ARHGEF28: variants seen among roughly 807,000 people sequenced by gnomAD.
The protein encoded by ARHGEF28 is Rho guanine nucleotide exchange factor 28, also known as 190 kDa guanine nucleotide exchange factor.
Under a neutral mutation model 206.6 loss-of-function variants are expected in ARHGEF28, and 152 were observed. That is an observed-to-expected ratio of 0.74 (90% CI 0.64 to 0.84). The LOEUF (loss-of-function observed/expected upper bound fraction) is 0.84, where lower values mean the gene tolerates loss of function less well. Among genes scored for constraint, ARHGEF28 ranks in the 40% least tolerant of loss-of-function variants. ARHGEF28 has a pLI of 0.00. For synonymous variants in ARHGEF28, 763 were observed against 776.4 expected, an observed-to-expected ratio of 0.98 and a Z score of 0.29; for missense variants, 2,028 against 2,073.2, an observed-to-expected ratio of 0.98 and a Z score of 0.42.
intron 2 of ARHGEF28, among the ~76,000 whole-genome samples, chr5:73,692,325 A>G (rs16870694): frequency 0.29 from 44,419 of 151,944 alleles, 6,840 homozygotes; most frequent in African/African-American, 0.37. Context: ...GGTGCTGTGC[A>G]GACATGTTAA....
intron 16 of ARHGEF28, among the ~76,000 whole-genome samples, chr5:73,861,832 G>GA (rs1759422109): frequency 1.3e-5 from 2 of 150,912 alleles, no homozygotes; most frequent in Non-Finnish European, 2.9e-5. Context: ...ACTTTTTTTA[G>GA]AAGTAATTTC....
At chr5:73,759,187 A>T (rs1227888225) in intron 4 of ARHGEF28, among the ~76,000 whole-genome samples, 1 of 152,192 alleles carries the variant, frequency 6.6e-6, no homozygotes, top group East Asian at 1.9e-4. Context: ...AAGTCAGATT[A>T]AGAGTACACT....
At chr5:73,919,212 G>C (rs425911) in intron 35 of ARHGEF28, among the ~76,000 whole-genome samples, 1 of 152,140 alleles carries the variant, frequency 6.6e-6, no homozygotes, top group Non-Finnish European at 1.5e-5. Flanking sequence ...TGCCAACAAA[G>C]TGAAAGTGTT....
chr5:73,820,862 C>A (rs1315259812), intron 9 of ARHGEF28, among the ~76,000 whole-genome samples: 3 of 152,114 alleles, frequency 2.0e-5, no homozygotes, highest in Non-Finnish European at 2.9e-5. Flanking sequence ...GCTGCTTGAC[C>A]TTTTTCTTCC....
rs778931754 is a variant in ARHGEF28, at chr5:73,776,614, T to C, written c.758T>C (p.Leu253Pro). 1 of 1,613,954 alleles carries C rather than the reference T, an allele frequency of 6.2e-7. No individual in the cohort carries two copies. Among genetic ancestry groups the C allele is most frequent in the East Asian group, 2.2e-5 (1 of 44,886 alleles). The change falls in exon 6 of 36, where the codon CTG becomes CCG. Residue 253 changes from leucine (L) to proline (P), a missense_variant. Physicochemically the swap from Leu to Pro is moderately conservative, Grantham distance 98 (BLOSUM62 -3). Coordinates refer to ENST00000513042, the MANE Select transcript of ARHGEF28 (RefSeq NM_001177693.2). The stretch of plus-strand genomic sequence containing the variant: ...TCATCGGAAACGCTGACCCTGACCC[T>C]GAACCACACAGCCGAGCATTTGTTG... Reference protein sequence around the residue: ...IHSSETLTLTLNHTAEHLLEA... With the variant: ...IHSSETLTLTPNHTAEHLLEA...
Position 73,873,263 on chromosome 5 carries a change from G to T in ARHGEF28, c.2814+17G>T. 1 of 1,593,702 alleles carries T rather than the reference G, an allele frequency of 6.3e-7. No homozygotes were observed. The highest frequency in any genetic ancestry group is 8.6e-7 in the Non-Finnish European group (1 of 1,165,856). Reference sequence around the variant, plus strand: ...GTACAACAGGTAAGAAGAGCTTAAAGTCCTTGACCTTTATGACGTAAGTGG... The same window carrying T: ...GTACAACAGGTAAGAAGAGCTTAAATTCCTTGACCTTTATGACGTAAGTGG... On this transcript the variant is annotated intron_variant, in intron 22 of 35. Transcript: ENST00000513042.
At chr5:73,815,919 T>C (rs1464550301) in intron 9 of ARHGEF28, among the ~76,000 whole-genome samples, 1 of 152,204 alleles carries the variant, frequency 6.6e-6, no homozygotes, top group Admixed American at 6.5e-5. Context: ...TGTTAGACCA[T>C]GTTTCACACT....
chr5:73,756,793 T>C (rs191856212), intron 4 of ARHGEF28, among the ~76,000 whole-genome samples: 29 of 152,340 alleles, frequency 1.9e-4, no homozygotes, highest in Admixed American at 1.9e-3. Flanking sequence ...TCAGTTTTAA[T>C]TTTGTACTTT....
At chr5:73,823,856 GA>G (rs1463530046) in intron 9 of ARHGEF28, among the ~76,000 whole-genome samples, 2 of 152,216 alleles carry the variant, frequency 1.3e-5, no homozygotes, top group Non-Finnish European at 2.9e-5. Context: ...GTGCCCTTGG[GA>G]AGTTACTTAA....
chr5:73,828,905 C>T (rs1364781591), intron 9 of ARHGEF28, among the ~76,000 whole-genome samples: 2 of 152,134 alleles, frequency 1.3e-5, no homozygotes, highest in Admixed American at 1.3e-4. Context: ...ACTGCAGCCT[C>T]CACCTCCCAG....
intron 1 of ARHGEF28, among the ~76,000 whole-genome samples, chr5:73,632,470 G>C (rs567125768): frequency 6.6e-6 from 1 of 152,270 alleles, no homozygotes; most frequent in East Asian, 1.9e-4. Context: ...CAGTGATGAG[G>C]ACCTCATGAC....
chr5:73,732,397 G>T (rs1461872968), intron 2 of ARHGEF28, among the ~76,000 whole-genome samples: 1 of 150,934 alleles, frequency 6.6e-6, no homozygotes, highest in Non-Finnish European at 1.5e-5. Context: ...TTCATGACTT[G>T]ATAGCTCATT....
intron 4 of ARHGEF28, among the ~76,000 whole-genome samples, chr5:73,755,390 A>C (rs1018553945): frequency 6.6e-6 from 1 of 152,080 alleles, no homozygotes; most frequent in Non-Finnish European, 1.5e-5. Flanking sequence ...AGAGCATCAC[A>C]GCCTCACGCA....
intron 10 of ARHGEF28, 124 bp from the exon 11 acceptor site, chr5:73,840,356 C>T (rs565643121): frequency 1.0e-5 from 9 of 871,848 alleles, no homozygotes; most frequent in Non-Finnish European, 1.6e-5. Flanking sequence ...CTCAAGTGAT[C>T]TGCCAGCCTC....
At chr5:73,899,357 G>A (rs1015125962) in intron 30 of ARHGEF28, 2 of 152,246 alleles carry the variant, frequency 1.3e-5, no homozygotes, top group African/African-American at 4.8e-5. Context: ...CGAGCCCGCG[G>A]TCGTGCCTTC....
chr5:73,938,927 A>G (rs935855416), intron 35 of ARHGEF28, among the ~76,000 whole-genome samples: 2 of 141,096 alleles, frequency 1.4e-5, no homozygotes, highest in African/African-American at 2.7e-5. Context: ...TAACATTAAT[A>G]TGTCTTTTTT....
intron 2 of ARHGEF28, among the ~76,000 whole-genome samples, chr5:73,700,355 T>C (rs1231937448): frequency 6.6e-6 from 1 of 152,182 alleles, no homozygotes; most frequent in East Asian, 1.9e-4. Flanking sequence ...TATACACACT[T>C]TTCTACTGTT....
intron 7 of ARHGEF28, among the ~76,000 whole-genome samples, chr5:73,792,949 G>A (rs1754571357): frequency 6.6e-6 from 1 of 152,140 alleles, no homozygotes; most frequent in South Asian, 2.1e-4. Flanking sequence ...CCTTCTGTGG[G>A]ATGTGCATTT....
chr5:73,852,990 A>G lies in ARHGEF28; in HGVS notation c.1790+298A>G, dbSNP rs560352185. ...GGACCACCTGTTTTAGAAAGACAAC[A>G]TGTTTTCTCCAGCTCTATTCCACCA... is the stretch of plus-strand genomic sequence containing the variant. On this transcript the variant is annotated intron_variant, in intron 14 of 35. Transcript: ENST00000513042. Among the ~76,000 whole-genome samples the G allele has an allele frequency of 4.1e-4, 63 of 152,290 alleles. 1 individual carries two copies. The highest frequency in any genetic ancestry group is 3.4e-3 in the Middle Eastern group (1 of 294).
Sources: gnomAD v4.1 joint callset for allele counts (sites outside exome capture counted in the v4.1 genomes callset) on GRCh38, gnomAD v4.1.1 for gene constraint, MANE v1.5 for transcripts, NCBI Gene and HGNC (gene_info 2026-07-23, HGNC 2026-07-21) for gene names.